PRELID2: variants seen among roughly 807,000 people sequenced by gnomAD.
The protein encoded by PRELID2 is PRELI domain containing 2.
In PRELID2, 25 loss-of-function variants were observed where a neutral mutation model predicts 28.4. The observed-to-expected ratio is 0.88, with a 90% CI of 0.64 to 1.23. The LOEUF is 1.23. Ranked by LOEUF, PRELID2 falls within the 50% of genes most tolerant of loss-of-function variation. The pLI is 0.00. For synonymous variants in PRELID2, 76 were observed against 71.6 expected, an observed-to-expected ratio of 1.06 and a Z score of -0.31; for missense variants, 201 against 214.4, an observed-to-expected ratio of 0.94 and a Z score of 0.39.
At chr5:145,769,573 G>A (rs1310590853) in intron 5 of PRELID2, among the ~76,000 whole-genome samples, 1 of 152,190 alleles carries the variant, frequency 6.6e-6, no homozygotes, top group Admixed American at 6.5e-5. Context: ...AGTAATATTA[G>A]ACCAAACAAA....
intron 1 of PRELID2, among the ~76,000 whole-genome samples, chr5:145,701,269 C>T (rs370508075): frequency 5.9e-5 from 9 of 152,216 alleles, no homozygotes; most frequent in African/African-American, 2.2e-4. Flanking sequence ...TTCACACCGA[C>T]TGCACTGCCT....
At chr5:145,678,496 C>T (rs1449599769) in intron 1 of PRELID2, among the ~76,000 whole-genome samples, 1 of 152,174 alleles carries the variant, frequency 6.6e-6, no homozygotes, top group Non-Finnish European at 1.5e-5. Flanking sequence ...GATTATAGTG[C>T]TTTCCCTATA....
At chr5:145,404,204 G>A in the PRELID2 span, among the ~76,000 whole-genome samples, 164 of 152,268 alleles carry the variant, frequency 1.1e-3, no homozygotes, top group Non-Finnish European at 2.0e-3. Flanking sequence ...GAGCAAACAC[G>A]GAACAGTGAA....
At chr5:145,546,391 C>T (rs1458067949) in intron 1 of PRELID2, among the ~76,000 whole-genome samples, 1 of 151,992 alleles carries the variant, frequency 6.6e-6, no homozygotes, top group African/African-American at 2.4e-5. Flanking sequence ...AAGATTTGAA[C>T]AAGATTTGGA....
At chr5:145,564,355 T>C (rs1050322276) in intron 1 of PRELID2, among the ~76,000 whole-genome samples, 6 of 152,224 alleles carry the variant, frequency 3.9e-5, no homozygotes, top group Non-Finnish European at 8.8e-5. Flanking sequence ...AGTGCTTTCC[T>C]TCTGCCACTA....
chr5:145,320,420 G>A, the PRELID2 span, among the ~76,000 whole-genome samples: 1 of 152,058 alleles, frequency 6.6e-6, no homozygotes, highest in Non-Finnish European at 1.5e-5. Context: ...ACAGGCGCCC[G>A]CCACTACGCC....
chr5:145,755,571 T>G (rs1377876393), downstream of PRELID2, among the ~76,000 whole-genome samples: 7 of 152,220 alleles, frequency 4.6e-5, no homozygotes, highest in Non-Finnish European at 8.8e-5. Flanking sequence ...CCCAAGACCC[T>G]CAGTTCTTTA....
the PRELID2 span, among the ~76,000 whole-genome samples, chr5:145,340,770 CATAT>C: frequency 0.029 from 3,369 of 116,502 alleles, 68 homozygotes; most frequent in African/African-American, 0.056. Flanking sequence ...TAAAAATATA[CATAT>C]ATATATATAT....
At chr5:145,370,630 T>A in the PRELID2 span, among the ~76,000 whole-genome samples, 1 of 152,128 alleles carries the variant, frequency 6.6e-6, no homozygotes, top group Non-Finnish European at 1.5e-5. Flanking sequence ...CGTACGAAAT[T>A]TAAAGTAGTT....
intron 5 of PRELID2, among the ~76,000 whole-genome samples, chr5:145,768,776 A>G (rs1195084972): frequency 6.6e-6 from 1 of 152,206 alleles, no homozygotes; most frequent in Non-Finnish European, 1.5e-5. Flanking sequence ...GGGAATTGAA[A>G]GACGTTATTT....
intron 1 of PRELID2, among the ~76,000 whole-genome samples, chr5:145,635,598 G>A (rs1753989259): frequency 1.3e-5 from 2 of 152,286 alleles, no homozygotes; most frequent in East Asian, 3.9e-4. Context: ...AGCCTGTCTG[G>A]CAGCAGTGCC....
chr5:145,253,753 T>A, the PRELID2 span, among the ~76,000 whole-genome samples: 2 of 151,910 alleles, frequency 1.3e-5, no homozygotes, highest in African/African-American at 4.8e-5. Context: ...AACGCAGTTA[T>A]TCCTCCAGAG....
intron 1 of PRELID2, among the ~76,000 whole-genome samples, chr5:145,727,401 C>A (rs886981102): frequency 2.6e-5 from 4 of 152,130 alleles, no homozygotes; most frequent in African/African-American, 7.2e-5. Flanking sequence ...GGGTTTTAGA[C>A]CCTGGACCCT....
chr5:145,559,682 T>C (rs1020433662), intron 1 of PRELID2, among the ~76,000 whole-genome samples: 1 of 152,138 alleles, frequency 6.6e-6, no homozygotes, highest in Non-Finnish European at 1.5e-5. Context: ...TTGTCTTTCT[T>C]AGCCTATCTT....
chr5:145,819,271 T>G, intron 3 of PRELID2: 1 of 763,414 alleles, frequency 1.3e-6, no homozygotes, highest in Non-Finnish European at 2.3e-6. Context: ...GAGACCTGTT[T>G]AAAGGGCATA....
intron 1 of PRELID2, among the ~76,000 whole-genome samples, chr5:145,678,775 G>A (rs888737840): frequency 2.6e-5 from 4 of 152,142 alleles, no homozygotes; most frequent in Non-Finnish European, 5.9e-5. Flanking sequence ...GGGGGGTCGA[G>A]GAGGAGTAAT....
intron 1 of PRELID2, among the ~76,000 whole-genome samples, chr5:145,733,490 T>G (rs184334416): frequency 6.6e-6 from 1 of 152,214 alleles, no homozygotes; most frequent in Non-Finnish European, 1.5e-5. Context: ...CTCATATTAC[T>G]CTGCATTATC....
intron 1 of PRELID2, among the ~76,000 whole-genome samples, chr5:145,686,373 G>A (rs984133000): frequency 5.9e-5 from 9 of 152,070 alleles, no homozygotes; most frequent in African/African-American, 2.2e-4. Context: ...CTAACAATAT[G>A]TATGCCTTCT....
intron 1 of PRELID2, among the ~76,000 whole-genome samples, chr5:145,528,826 G>A (rs1421401471): frequency 6.6e-6 from 1 of 151,644 alleles, no homozygotes; most frequent in Non-Finnish European, 1.5e-5. Context: ...TCAAAAATCA[G>A]ATGCATACCT....
Sources: allele counts gnomAD v4.1 joint callset (sites outside exome capture counted in the v4.1 genomes callset), GRCh38; gene constraint gnomAD v4.1.1; transcripts MANE v1.5; gene names NCBI Gene and HGNC (gene_info 2026-07-23, HGNC 2026-07-21).